SPATA31E1: variants seen among roughly 807,000 people sequenced by gnomAD.
SPATA31E1 encodes the protein SPATA31 subfamily E member 1.
In SPATA31E1, 7 loss-of-function variants were observed where a neutral mutation model predicts 12.9. That is an observed-to-expected ratio of 0.54 (90% CI 0.31 to 1.02). The LOEUF (loss-of-function observed/expected upper bound fraction) is 1.02. SPATA31E1 is among the 50% of genes least tolerant of loss of function. SPATA31E1 has a pLI of 0.05. For missense variants in SPATA31E1, 1,961 were observed against 1,799.8 expected, an observed-to-expected ratio of 1.09 and a Z score of -1.62; for synonymous variants, 771 against 719.0, an observed-to-expected ratio of 1.07 and a Z score of -1.16.
chr9:87,884,752 G>A, intron 3 of SPATA31E1, 101 bp downstream of exon 3: 1 of 1,501,306 alleles, frequency 6.7e-7, no homozygotes, highest in Non-Finnish European at 9.2e-7. Flanking sequence ...GTCCCGGGAA[G>A]GGGACAGGAG....
Position 87,886,987 on chromosome 9 carries a change from A to G in SPATA31E1, c.2500A>G (p.Ile834Val). ...LSFLHPCTQQ[I>V]LEVHLVRFCV... ...CTTCCTCCATCCCTGCACCCAGCAGATACTGGAAGTACATCTTGTAAGGTT... is the reference window on the plus strand; with the variant it reads ...CTTCCTCCATCCCTGCACCCAGCAGGTACTGGAAGTACATCTTGTAAGGTT... The change falls in exon 4 of 4, where the codon ATA becomes GTA. Residue 834 changes from isoleucine to valine, a missense_variant. Transcript: ENST00000325643. The G allele has an allele frequency of 1.2e-6, 2 of 1,614,148 alleles. No individual in the cohort carries two copies. Among genetic ancestry groups the G allele is most frequent in the Non-Finnish European group, 8.5e-7 (1 of 1,180,028 alleles).
chr9:87,885,439 C>T lies in SPATA31E1; in HGVS notation c.952C>T (p.Leu318Phe). ...GAGGGAGGCTGCCACCACCTGGGGCCTCTCCACCTACTCACATGGCAAATC... is the reference window on the plus strand; with the variant it reads ...GAGGGAGGCTGCCACCACCTGGGGCTTCTCCACCTACTCACATGGCAAATC... The part of the protein sequence containing the change: ...CWREAATTWG[L>F]STYSHGKSQP... Residue 318 changes from leucine (L) to phenylalanine (F), a missense_variant, in exon 4 of 4, where the codon CTC (leucine) becomes TTC (phenylalanine). Physicochemically the swap from Leu to Phe is conservative, Grantham distance 22. Transcript: ENST00000325643. 3 of 1,614,038 alleles carry T rather than the reference C, an allele frequency of 1.9e-6. No individual in the cohort carries two copies. Among genetic ancestry groups the T allele is most frequent in the South Asian group, 1.1e-5 (1 of 91,066 alleles).
chr9:87,883,330 A>T (rs1279927024), intron 1 of SPATA31E1, 130 bp downstream of exon 1: 3 of 1,373,218 alleles, frequency 2.2e-6, no homozygotes, highest in Non-Finnish European at 3.0e-6. Flanking sequence ...AGGGAAGGGC[A>T]AGGCAGGCAG....
chr9:87,883,867 C>A, intron 1 of SPATA31E1, 125 bp from the exon 2 acceptor site: 3 of 1,033,450 alleles, frequency 2.9e-6, no homozygotes, highest in Non-Finnish European at 4.2e-6. Flanking sequence ...GTAAAAAGCA[C>A]ACACAGAGCT....
Position 87,885,413 on chromosome 9 carries a change from G to A in SPATA31E1, c.926G>A (p.Trp309Ter). The change falls in exon 4 of 4, where the codon TGG (tryptophan) becomes TAG (stop). Residue 309 changes from tryptophan (W) to a stop codon, truncating the protein, a stop_gained. Transcript: ENST00000325643. LOFTEE classifies it low-confidence loss of function (END_TRUNC). ...SSDPIWDLYC[W>*]REAATTWGLS... is the part of the protein sequence containing the mutation. ...GATCCCATCTGGGACCTCTATTGCT[G>A]GAGGGAGGCTGCCACCACCTGGGGC... 2 of 1,613,922 alleles carry A rather than the reference G, an allele frequency of 1.2e-6. No individual in the cohort carries two copies. The highest frequency in any genetic ancestry group is 8.5e-7 in the Non-Finnish European group (1 of 1,179,950).
At position 87,885,679 on chromosome 9, in the gene SPATA31E1, T is replaced by G; in HGVS notation, c.1192T>G (p.Trp398Gly). 6.2e-7 allele frequency: 1 copy of G among 1,612,562 alleles called. No homozygotes were observed. The highest frequency in any genetic ancestry group is 8.5e-7 in the Non-Finnish European group (1 of 1,179,682). The change falls in exon 4 of 4, where the codon TGG becomes GGG. Residue 398 changes from tryptophan (W) to glycine (G), a missense_variant. Trp to Gly is a radical substitution (Grantham distance 184). Transcript: ENST00000325643. ...GCACATGACATCACTGGGGAAGGAG[T>G]GGGACATCACGACCCTAAATCCCTT... Reference protein sequence around the residue: ...HPHMTSLGKEWDITTLNPFWN... With the variant: ...HPHMTSLGKEGDITTLNPFWN...
Position 87,885,557 on chromosome 9 carries a change from T to C in SPATA31E1, c.1070T>C (p.Ile357Thr), listed in dbSNP as rs774990542. ...KHMEVGGCTF[I>T]HPDVQKLLET... ...ATGGAGGTAGGTGGCTGCACATTCA[T>C]CCACCCTGACGTGCAGAAGCTGCTG... The change falls in exon 4 of 4, where the codon ATC (isoleucine) becomes ACC (threonine). Residue 357 changes from isoleucine to threonine, a missense_variant. Physicochemically the swap from Ile to Thr is moderately conservative, Grantham distance 89. Coordinates refer to ENST00000325643, the MANE Select transcript of SPATA31E1 (RefSeq NM_178828.5). 1 of 1,614,100 alleles carries C rather than the reference T, an allele frequency of 6.2e-7. No individual in the cohort carries two copies. The highest frequency in any genetic ancestry group is 1.1e-5 in the South Asian group (1 of 91,076).
rs779894298 is a variant in SPATA31E1, at chr9:87,882,980, C to T, written c.89C>T (p.Ser30Phe). 1.2e-6 allele frequency: 2 copies of T among 1,611,922 alleles called. No individual in the cohort carries two copies. The highest frequency in any genetic ancestry group is 4.5e-5 in the East Asian group (2 of 44,654). ...QRIPPPAPRP[S>F]VECTGDDIAL... The stretch of plus-strand genomic sequence containing the variant: ...ATTCCACCCCCAGCTCCCAGACCAT[C>T]TGTGGAGTGCACAGGAGACGACATT... Residue 30 changes from serine (S) to phenylalanine (F), a missense_variant, in exon 1 of 4, where the codon TCT becomes TTT. Coordinates refer to ENST00000325643, the MANE Select transcript of SPATA31E1 (RefSeq NM_178828.5).
rs998590750 is a variant in SPATA31E1, at chr9:87,886,612, G to A, written c.2125G>A (p.Gly709Arg). ...AAGGTTCTCTGACAAGGGGTGCTTA[G>A]GGTCCAAACTAGGGCCGGACCCAAG... ...SGRFSDKGCL[G>R]SKLGPDPSRD... Residue 709 changes from glycine (G) to arginine (R), a missense_variant, in exon 4 of 4, where the codon GGG (glycine) becomes AGG (arginine). Coordinates refer to ENST00000325643, the MANE Select transcript of SPATA31E1 (RefSeq NM_178828.5). 2.5e-6 allele frequency: 4 copies of A among 1,613,952 alleles called. No homozygotes were observed. Among genetic ancestry groups the A allele is most frequent in the East Asian group, 2.2e-5 (1 of 44,884 alleles).
chr9:87,888,312 C>A lies in SPATA31E1; in HGVS notation c.3825C>A (p.His1275Gln), dbSNP rs35501442. 1.2e-6 allele frequency: 2 copies of A among 1,614,146 alleles called. No individual in the cohort carries two copies. The highest frequency in any genetic ancestry group is 1.1e-5 in the South Asian group (1 of 91,082). The change falls in exon 4 of 4, where the codon CAC becomes CAA. Residue 1275 changes from histidine (H) to glutamine (Q), a missense_variant. Physicochemically the swap from His to Gln is conservative, Grantham distance 24. Coordinates refer to ENST00000325643, the MANE Select transcript of SPATA31E1 (RefSeq NM_178828.5). ...TCAGTCACCATCCACAGGGTCTACA[C>A]CCCAGGAAAGGAGGCACACGGTGGG... Reference protein sequence around the residue: ...RKISHHPQGLHPRKGGTRWED... With the variant: ...RKISHHPQGLQPRKGGTRWED...
chr9:87,884,182 C>CA, intron 2 of SPATA31E1, 136 bp downstream of exon 2: 3 of 1,175,920 alleles, frequency 2.6e-6, no homozygotes, highest in Non-Finnish European at 3.6e-6. Flanking sequence ...AGATTCCCTG[C>CA]GGGAATGAAG....
In SPATA31E1 at chr9:87,885,806, T is replaced by A. The variant is rs372531953; in HGVS notation, c.1319T>A (p.Phe440Tyr). 6.8e-6 allele frequency: 11 copies of A among 1,613,848 alleles called. No homozygotes were observed. The highest frequency in any genetic ancestry group is 4.2e-6 in the Non-Finnish European group (5 of 1,180,042). The change falls in exon 4 of 4, where the codon TTC becomes TAC. Residue 440 changes from phenylalanine to tyrosine, a missense_variant. Coordinates refer to ENST00000325643, the MANE Select transcript of SPATA31E1 (RefSeq NM_178828.5). ...NHLQQKRSQL[F>Y]WDLPSLNSES... ...TTACAGCAGAAACGCAGCCAGCTTT[T>A]CTGGGACCTCCCCTCTCTCAATAGC...
At chr9:87,884,109 A>C (rs1828218519) in intron 2 of SPATA31E1, 63 bp downstream of exon 2, 2 of 1,542,964 alleles carry the variant, frequency 1.3e-6, no homozygotes, top group Admixed American at 1.9e-5. Flanking sequence ...TCCCTGAGGA[A>C]GTCATTTGCA....
In SPATA31E1 at chr9:87,886,712, G is replaced by T; in HGVS notation, c.2225G>T (p.Arg742Met). 2 of 1,613,934 alleles carry T rather than the reference G, an allele frequency of 1.2e-6. No homozygotes were observed. The highest frequency in any genetic ancestry group is 8.5e-7 in the Non-Finnish European group (1 of 1,180,024). Residue 742 changes from arginine to methionine, a missense_variant, in exon 4 of 4, where the codon AGG becomes ATG. Physicochemically the swap from Arg to Met is moderately conservative, Grantham distance 91 (BLOSUM62 -1). Transcript: ENST00000325643. Reference sequence around the variant, plus strand: ...AAGGAGGCAGAAGGTGACTTACGGAGGTCCTGGAAGTACCAATCAGTAAGT... The same window carrying T: ...AAGGAGGCAGAAGGTGACTTACGGATGTCCTGGAAGTACCAATCAGTAAGT... ...EDKEAEGDLR[R>M]SWKYQSVSST...
In SPATA31E1 at chr9:87,887,331, CT is replaced by C; in HGVS notation, c.2847del (p.Pro950ArgfsTer37). ...SADTHGRSEA[F>X]PTGHKGRGCS... ...CTGATACCCATGGGCGATCAGAGGC[CT>C]TTCCGACTGGACACAAGGGCAGGGG... On this transcript the variant is annotated frameshift_variant, in exon 4 of 4. Transcript: ENST00000325643. LOFTEE classifies it low-confidence loss of function (END_TRUNC). The C allele has an allele frequency of 1.2e-6, 2 of 1,613,838 alleles. No individual in the cohort carries two copies. Among genetic ancestry groups the C allele is most frequent in the Non-Finnish European group, 8.5e-7 (1 of 1,180,042 alleles).
rs1828324159 is a variant in SPATA31E1, at chr9:87,888,255, G to A, written c.3768G>A (p.Gln1256=). Residue 1256 remains glutamine (Q), a synonymous_variant, in exon 4 of 4, where the codon CAG becomes CAA. Transcript: ENST00000325643. ...KYNQLQLEKG[Q]TPPESHFQRK... ...ACCAGCTTCAGCTGGAGAAGGGACAGACACCACCAGAAAGCCACTTCCAGA... is the reference window on the plus strand; with the variant it reads ...ACCAGCTTCAGCTGGAGAAGGGACAAACACCACCAGAAAGCCACTTCCAGA... 7 of 1,614,124 alleles carry A rather than the reference G, an allele frequency of 4.3e-6. No individual in the cohort carries two copies. Among genetic ancestry groups the A allele is most frequent in the Non-Finnish European group, 5.9e-6 (7 of 1,180,030 alleles).
intron 1 of SPATA31E1, 104 bp from the exon 2 acceptor site, chr9:87,883,888 G>C (rs1828213264): frequency 1.6e-6 from 2 of 1,268,038 alleles, no homozygotes; most frequent in Non-Finnish European, 1.1e-6. Flanking sequence ...CCCTGAGCTA[G>C]AGGCTGAGAG....
rs1315257253 is a variant in SPATA31E1 at position 87,884,969 on chromosome 9, C to A, written c.482C>A (p.Pro161His). Reference sequence around the variant, plus strand: ...TCCCACCTGCCCTTAGGTGGAGACCCCCTGGGGGACGTGTGTAAACCAGTG... The same window carrying A: ...TCCCACCTGCCCTTAGGTGGAGACCACCTGGGGGACGTGTGTAAACCAGTG... ...GSSHLPLGGD[P>H]LGDVCKPVPA... The change falls in exon 4 of 4, where the codon CCC (proline) becomes CAC (histidine). Residue 161 changes from proline (P) to histidine (H), a missense_variant. Pro to His is a moderately conservative substitution (Grantham distance 77). Transcript: ENST00000325643. 3 of 1,613,944 alleles carry A rather than the reference C, an allele frequency of 1.9e-6. No individual in the cohort carries two copies. Among genetic ancestry groups the A allele is most frequent in the South Asian group, 2.2e-5 (2 of 91,080 alleles).
At position 87,888,576 on chromosome 9, in the gene SPATA31E1, C is replaced by G. The variant is rs368117720; in HGVS notation, c.4089C>G (p.His1363Gln). The G allele has an allele frequency of 6.2e-7, 1 of 1,614,082 alleles. No individual in the cohort carries two copies. Among genetic ancestry groups the G allele is most frequent in the African/African-American group, 1.3e-5 (1 of 74,944 alleles). The change falls in exon 4 of 4, where the codon CAC becomes CAG. Residue 1363 changes from histidine to glutamine, a missense_variant. Transcript: ENST00000325643. ...TGCCTTCCTGCTGCCACAGGGGTCA[C>G]TGCCACCAAGAACGTAGCAGAGAGA... ...ENVPSCCHRG[H>Q]CHQERSREMR...
Sources: gnomAD v4.1 joint callset for allele counts on GRCh38, gnomAD v4.1.1 for gene constraint, MANE v1.5 for transcripts, NCBI Gene and HGNC (gene_info 2026-07-23, HGNC 2026-07-21) for gene names.